Variants in RTTN observed in about 807,000 individuals in gnomAD.
The protein encoded by RTTN is rotatin.
A neutral mutation model predicts 269.2 loss-of-function variants in RTTN; 182 were observed. The observed-to-expected ratio is 0.68, with a 90% CI of 0.60 to 0.76. RTTN has a LOEUF of 0.76. Among genes scored for constraint, RTTN ranks in the 30% least tolerant of loss-of-function variants. RTTN has a pLI of 0.00. For synonymous variants in RTTN, 1,006 were observed against 963.5 expected, an observed-to-expected ratio of 1.04 and a Z score of -0.82; for missense variants, 2,545 against 2,608.6, an observed-to-expected ratio of 0.98 and a Z score of 0.53.
intron 14 of RTTN, among the ~76,000 whole-genome samples, chr18:70,158,414 T>A (rs2060739899): frequency 6.6e-6 from 1 of 152,182 alleles, no homozygotes; most frequent in Non-Finnish European, 1.5e-5. Flanking sequence ...TTCATTACCA[T>A]GAGACCTGAC....
At chr18:70,097,577 T>C (rs1296863488) in intron 28 of RTTN, among the ~76,000 whole-genome samples, 1 of 152,216 alleles carries the variant, frequency 6.6e-6, no homozygotes, top group Non-Finnish European at 1.5e-5. Flanking sequence ...GCTCGAGATG[T>C]TTTATGAAGC....
chr18:70,121,848 G>A, intron 25 of RTTN, 148 bp from the exon 26 acceptor site: 1 of 650,420 alleles, frequency 1.5e-6, no homozygotes, highest in Non-Finnish European at 2.4e-6. Context: ...ATGCAAAGTT[G>A]AAACAAACTG....
intron 40 of RTTN, among the ~76,000 whole-genome samples, chr18:70,037,839 G>C (rs895098382): frequency 6.6e-6 from 1 of 151,888 alleles, no homozygotes; most frequent in Non-Finnish European, 1.5e-5. Context: ...GAGCCTCTTG[G>C]ACAGTATTTC....
Position 70,135,184 on chromosome 18 carries a change from C to T in RTTN, c.2885G>A (p.Trp962Ter). 1 of 1,487,820 alleles carries T rather than the reference C, an allele frequency of 6.7e-7. No individual in the cohort carries two copies. Among genetic ancestry groups the T allele is most frequent in the Non-Finnish European group, 9.1e-7 (1 of 1,103,254 alleles). The allele number at this position is 1,487,820 out of a possible 1,614,324, so 92.2% of individuals were successfully genotyped here. Residue 962 changes from tryptophan to a stop codon, truncating the protein, a stop_gained and splice_region_variant, in exon 22 of 49, where the codon TGG (tryptophan) becomes TAG (stop). Coordinates refer to ENST00000640769, the MANE Select transcript of RTTN (RefSeq NM_173630.4). LOFTEE classifies it high-confidence loss of function. ...AAACTTATAAATTCTTATATCTCAC[C>T]ACATATCCATTCTCGATACTTCATC... ...LFDEVSRMDM[W>*]SVNPSNKPSL... is the part of the protein sequence containing the mutation.
intron 32 of RTTN, among the ~76,000 whole-genome samples, chr18:70,079,047 A>T (rs1273948530): frequency 6.6e-6 from 1 of 152,112 alleles, no homozygotes; most frequent in African/African-American, 2.4e-5. Context: ...CTAAATCCTT[A>T]GGTACTAAAG....
chr18:70,051,301 T>A, intron 39 of RTTN, 110 bp downstream of exon 39: 1 of 1,263,862 alleles, frequency 7.9e-7, no homozygotes, highest in Non-Finnish European at 1.1e-6. Context: ...CTCTTTTATA[T>A]GCCATGCTAT....
At chr18:70,057,228 C>T (rs1028601635) in intron 37 of RTTN, among the ~76,000 whole-genome samples, 61 of 152,208 alleles carry the variant, frequency 4.0e-4, no homozygotes, top group African/African-American at 1.4e-3. Context: ...GCAACAGCTA[C>T]ATGAATAATT....
At chr18:70,181,290 G>A (rs966241259) in intron 10 of RTTN, among the ~76,000 whole-genome samples, 25 of 152,096 alleles carry the variant, frequency 1.6e-4, no homozygotes, top group African/African-American at 7.2e-5. Flanking sequence ...GAAGAAATGC[G>A]GAAAAGAAAC....
At chr18:70,067,884 T>C (rs942348652) in intron 34 of RTTN, among the ~76,000 whole-genome samples, 7 of 152,204 alleles carry the variant, frequency 4.6e-5, no homozygotes, top group African/African-American at 1.2e-4. Flanking sequence ...TTAATAAAGA[T>C]GTGATTTTCC....
Position 70,193,448 on chromosome 18 carries a change from CTG to C in RTTN, c.845_846del (p.Thr282SerfsTer12). 1.3e-6 allele frequency: 2 copies of C among 1,517,584 alleles called. No homozygotes were observed. The highest frequency in any genetic ancestry group is 1.8e-6 in the Non-Finnish European group (2 of 1,134,366). 94.0% of individuals were successfully genotyped at this position (1,517,584 alleles called of 1,614,324 possible). ...DPGFFSNKHD[T>X]VSQNSSLSYC... ...TAAGACAAAGAAGAATTTTGGGAAA[CTG>C]TGTCTGGGGAAACAAAGAAAAAATA... On this transcript the variant is annotated frameshift_variant, in exon 8 of 49. Transcript: ENST00000640769. LOFTEE classifies it high-confidence loss of function.
intron 38 of RTTN, among the ~76,000 whole-genome samples, chr18:70,053,077 T>C (rs1340554509): frequency 6.6e-6 from 1 of 152,132 alleles, no homozygotes; most frequent in Non-Finnish European, 1.5e-5. Flanking sequence ...GATCAAACAA[T>C]CAACCAAAGG....
chr18:70,010,258 C>T lies in RTTN; in HGVS notation c.6422-3774G>A, dbSNP rs536749328. Reference sequence around the variant, plus strand: ...GGACCTAACAGACATCTACAGAACACTCCACCCCAAATCAACAGAGTATAC... The same window carrying T: ...GGACCTAACAGACATCTACAGAACATTCCACCCCAAATCAACAGAGTATAC... On this transcript the variant is annotated intron_variant, in intron 46 of 48. Coordinates refer to ENST00000640769, the MANE Select transcript of RTTN (RefSeq NM_173630.4). 3.3e-5 allele frequency among the ~76,000 whole-genome samples: 5 copies of T among 152,308 alleles called. No homozygotes were observed. In the South Asian group the frequency reaches 1.0e-3, roughly 32 times the overall value.
At chr18:70,006,138 G>C (rs2056178467) in intron 47 of RTTN, 2 of 373,852 alleles carry the variant, frequency 5.3e-6, no homozygotes, top group Non-Finnish European at 4.8e-6. Context: ...TTTAAATTAA[G>C]AGGAAAAAGT....
In RTTN at chr18:70,004,252, A is replaced by G. The variant is rs1426216310; in HGVS notation, c.6596-16T>C. 25 of 1,577,698 alleles carry G rather than the reference A, an allele frequency of 1.6e-5. No homozygotes were observed. The highest frequency in any genetic ancestry group is 2.1e-5 in the Non-Finnish European group (24 of 1,147,428). On this transcript the variant is annotated splice_polypyrimidine_tract_variant and intron_variant, in intron 48 of 48. Coordinates refer to ENST00000640769, the MANE Select transcript of RTTN (RefSeq NM_173630.4). The stretch of plus-strand genomic sequence containing the variant: ...TTTGGGAAAGCTGAGATAGAAAAAT[A>G]AGAGTACAGAAATACTAGTTTATGA...
In RTTN at chr18:70,127,656, G is replaced by T. The variant is rs1246085208; in HGVS notation, c.3229C>A (p.His1077Asn). Residue 1077 changes from histidine to asparagine, a missense_variant, in exon 25 of 49, where the codon CAT (histidine) becomes AAT (asparagine). His to Asn is a moderately conservative substitution (Grantham distance 68). Transcript: ENST00000640769. The part of the protein sequence containing the change: ...HMASGLQDCL[H>N]SIVQAATHRE... ...TGGGTTGCAGCCTGAACAATGGAAT[G>T]GAGGCAGTCCTGCAGCCCACTAGCC... 6.2e-7 allele frequency: 1 copy of T among 1,613,396 alleles called. No homozygotes were observed. Among genetic ancestry groups the T allele is most frequent in the African/African-American group, 1.3e-5 (1 of 74,872 alleles).
rs567102291 is a variant in RTTN, at chr18:70,035,743, A to C, written c.5542-4762T>G. On this transcript the variant is annotated intron_variant, in intron 40 of 48. Coordinates refer to ENST00000640769, the MANE Select transcript of RTTN (RefSeq NM_173630.4). ...TTAAACTAAAGCGTGTCTGCACAGC[A>C]AAAGAAACTATCAACAGAGTAAACA... Among the ~76,000 whole-genome samples, 6 of 152,350 alleles carry C rather than the reference A, an allele frequency of 3.9e-5. No homozygotes were observed. The South Asian group carries it at 1.0e-3, about 26-fold the overall frequency.
chr18:70,199,933 T>C (rs188071943), intron 4 of RTTN, among the ~76,000 whole-genome samples: 4 of 152,372 alleles, frequency 2.6e-5, no homozygotes, highest in Non-Finnish European at 2.9e-5. Context: ...CATGTTCAAA[T>C]ATCCTATATG....
In RTTN at chr18:70,201,891, C is replaced by T. The variant is rs774899066; in HGVS notation, c.487+3G>A. 2.2e-5 allele frequency: 34 copies of T among 1,580,268 alleles called. 1 individual carries two copies. Among genetic ancestry groups the T allele is most frequent in the South Asian group, 3.3e-5 (3 of 89,852 alleles). ...CAGGATTTACTTCCCGACATATACACACCCACTGGTCGTGGCGGCACTTCC... is the reference window on the plus strand; with the variant it reads ...CAGGATTTACTTCCCGACATATACATACCCACTGGTCGTGGCGGCACTTCC... On this transcript the variant is annotated splice_donor_region_variant and intron_variant, in intron 4 of 48. Coordinates refer to ENST00000640769, the MANE Select transcript of RTTN (RefSeq NM_173630.4).
intron 14 of RTTN, among the ~76,000 whole-genome samples, chr18:70,156,592 C>A (rs9973032): frequency 7.8e-4 from 119 of 152,310 alleles, no homozygotes; most frequent in African/African-American, 2.5e-3. Flanking sequence ...ACTCCCTCCC[C>A]TTTTGAAAGT....
Sources: gnomAD v4.1 joint callset for allele counts (sites outside exome capture counted in the v4.1 genomes callset) on GRCh38, gnomAD v4.1.1 for gene constraint, MANE v1.5 for transcripts, NCBI Gene and HGNC (gene_info 2026-07-23, HGNC 2026-07-21) for gene names.